KCNC3: variants seen among roughly 807,000 people sequenced by gnomAD.
KCNC3 encodes voltage-gated potassium channel KCNC3.
KCNC3 carries 22 observed loss-of-function variants against 43.9 expected under a neutral mutation model. The observed-to-expected ratio is 0.50, with a 90% CI of 0.36 to 0.72. KCNC3 has a LOEUF of 0.72. KCNC3 is among the 30% of genes least tolerant of loss of function. The pLI is 0.00. For synonymous variants in KCNC3, 492 were observed against 488.0 expected, an observed-to-expected ratio of 1.01 and a Z score of -0.11; for missense variants, 829 against 1,073.8, an observed-to-expected ratio of 0.77 and a Z score of 3.19.
Position 50,312,688 on chromosome 19 carries a change from G to C in KCNC3, c.*3427C>G, listed in dbSNP as rs1169916936. On this transcript the variant is annotated 3_prime_UTR_variant, in exon 5 of 5. Transcript: ENST00000477616. ...GGTACGTGTGGCGGACTGGCGAGCA[G>C]GGGGAGACGTTGGGAAGAGGTCAGT... 1.3e-5 allele frequency: 2 copies of C among 152,256 alleles called. No individual in the cohort carries two copies. The highest frequency in any genetic ancestry group is 3.9e-4 in the East Asian group (2 of 5,184). The allele number at this position is 152,256 out of a possible 1,614,324, so 9.4% of individuals were successfully genotyped here. A position where few individuals can be genotyped will look rare whatever the true frequency, so the allele number is the denominator to read the frequency against.
In KCNC3 at chr19:50,324,121, C is replaced by T. The variant is rs1199042724; in HGVS notation, c.871-39G>A. ...AGGGAGAGAGAGGGGGAGAGGTGAC[C>T]TAGGCATCAGGTTGGCCATAACATC... On this transcript the variant is annotated intron_variant, in intron 1 of 4. Coordinates refer to ENST00000477616, the MANE Select transcript of KCNC3 (RefSeq NM_004977.3). The surrounding 1 kb of genome is among the most constrained non-coding windows in gnomAD (Gnocchi z 4.1). 3 of 1,547,634 alleles carry T rather than the reference C, an allele frequency of 1.9e-6. No homozygotes were observed. In the African/African-American group the frequency reaches 4.1e-5, roughly 21 times the overall value.
At chr19:50,317,260 T>C (rs1332073626) in intron 4 of KCNC3, among the ~76,000 whole-genome samples, 4 of 151,436 alleles carry the variant, frequency 2.6e-5, no homozygotes, top group Non-Finnish European at 4.4e-5. Context: ...AGCCAGACAG[T>C]CCCCCCTCTG....
upstream of KCNC3, among the ~76,000 whole-genome samples, chr19:50,332,964 T>C (rs956932055): frequency 3.3e-5 from 5 of 152,080 alleles, no homozygotes; most frequent in Admixed American, 2.0e-4. The surrounding 1 kb of genome is among the most constrained non-coding windows in gnomAD (Gnocchi z 5.8). Context: ...ATTCGGAGCC[T>C]TGGTCTCTGG....
chr19:50,322,960 G>A lies in KCNC3; in HGVS notation c.1978+15C>T. The A allele has an allele frequency of 6.5e-7, 1 of 1,550,230 alleles. No homozygotes were observed. The highest frequency in any genetic ancestry group is 8.7e-7 in the Non-Finnish European group (1 of 1,147,270). ...GTCTCCACCTGTGCCCCCGATCCCT[G>A]ACGCCCAGGCTCACCTGCCCGGTTG... On this transcript the variant is annotated intron_variant, in intron 2 of 4. Transcript: ENST00000477616.
At position 50,320,609 on chromosome 19, in the gene KCNC3, A is replaced by T. The variant is rs200235409; in HGVS notation, c.2154T>A (p.Asp718Glu). ...FLLTDYAPSP[D>E]GSIRKATGAP... Reference sequence around the variant, plus strand: ...GCACCTCACCTTTTCGGATGGAGCCATCAGGGGAAGGGGCATAGTCGGTGA... The same window carrying T: ...GCACCTCACCTTTTCGGATGGAGCCTTCAGGGGAAGGGGCATAGTCGGTGA... The change falls in exon 3 of 5, where the codon GAT becomes GAA. Residue 718 changes from aspartate (D) to glutamate (E), a missense_variant. By Grantham distance (45) the Asp-to-Glu change is conservative. This residue lies in a region of KCNC3 where 308 missense variants were observed against 276.2 expected (regional missense o/e 1.11). Transcript: ENST00000477616. The T allele has an allele frequency of 5.6e-6, 9 of 1,612,374 alleles. No homozygotes were observed. The East Asian group carries it at 2.0e-4, about 36-fold the overall frequency.
In KCNC3 at chr19:50,320,256, A is replaced by G; in HGVS notation, c.2264T>C (p.Ile755Thr). Reference protein sequence around the residue: ...PDLNANAAAWISP With the variant: ...PDLNANAAAWTSP ...GAGGGGGTTCGTCCACTAGGGGGAT[A>G]TCCAGGCCGCGGCGTTGGCGTTGAG... is the stretch of plus-strand genomic sequence containing the variant. The change falls in exon 4 of 5, where the codon ATA (isoleucine) becomes ACA (threonine). Residue 755 changes from isoleucine (I) to threonine (T), a missense_variant. Physicochemically the swap from Ile to Thr is moderately conservative, Grantham distance 89. Coordinates refer to ENST00000477616, the MANE Select transcript of KCNC3 (RefSeq NM_004977.3). 3.5e-6 allele frequency: 3 copies of G among 852,222 alleles called. No homozygotes were observed. Among genetic ancestry groups the G allele is most frequent in the Non-Finnish European group, 4.7e-6 (3 of 644,264 alleles). The allele number at this position is 852,222 out of a possible 1,614,324, so 52.8% of individuals were successfully genotyped here. A position where few individuals can be genotyped will look rare whatever the true frequency, so the allele number is the denominator to read the frequency against.
chr19:50,317,216 CA>C (rs1479055153), intron 4 of KCNC3, among the ~76,000 whole-genome samples: 5 of 140,808 alleles, frequency 3.6e-5, no homozygotes, highest in African/African-American at 1.3e-4. Flanking sequence ...GGGGAGGTTA[CA>C]AAAAGGAGAG....
intron 2 of KCNC3, 32 bp downstream of exon 2, chr19:50,322,943 C>T (rs371933695): frequency 2.6e-6 from 4 of 1,548,832 alleles, no homozygotes; most frequent in Admixed American, 3.9e-5. Context: ...GGGTCTCCAC[C>T]TGTGCCCCCG....
At position 50,320,796 on chromosome 19, in the gene KCNC3, G is replaced by C. The variant is rs1448820974; in HGVS notation, c.1979-12C>G. The C allele has an allele frequency of 6.8e-6, 11 of 1,613,028 alleles. No individual in the cohort carries two copies. Among genetic ancestry groups the C allele is most frequent in the Non-Finnish European group, 9.3e-6 (11 of 1,179,748 alleles). ...ATTGGGGCGAGGATCTGCATCCCAA[G>C]GGGGTCAGACAGAGAGACAAAGGAG... On this transcript the variant is annotated splice_polypyrimidine_tract_variant and intron_variant, in intron 2 of 4. Coordinates refer to ENST00000477616, the MANE Select transcript of KCNC3 (RefSeq NM_004977.3).
chr19:50,331,507 C>G (rs1486157484), upstream of KCNC3, among the ~76,000 whole-genome samples: 1 of 134,428 alleles, frequency 7.4e-6, no homozygotes, highest in African/African-American at 2.9e-5. Context: ...TCTTCCCCTT[C>G]TCCCCATCTC....
chr19:50,332,929 T>C (rs1419052724), upstream of KCNC3, among the ~76,000 whole-genome samples: 6 of 152,066 alleles, frequency 3.9e-5, no homozygotes, highest in Admixed American at 3.3e-4. The surrounding 1 kb of genome is among the most constrained non-coding windows in gnomAD (Gnocchi z 5.8). Context: ...TCCTTGTTCC[T>C]CTGCCCCCAT....
rs893971869 is a variant in KCNC3, at chr19:50,314,259, G to A, written c.*1856C>T. The A allele has an allele frequency of 6.6e-6, 1 of 151,220 alleles. No homozygotes were observed. Among genetic ancestry groups the A allele is most frequent in the South Asian group, 2.1e-4 (1 of 4,732 alleles). The allele number at this position is 151,220 out of a possible 1,614,324, so 9.4% of individuals were successfully genotyped here. On this transcript the variant is annotated 3_prime_UTR_variant, in exon 5 of 5. Transcript: ENST00000477616. ...CCACCTGAGCTCAACTCCGATCTGGGGCTTGGGTAACTGTTCCTCCTTCCC... is the reference window on the plus strand; with the variant it reads ...CCACCTGAGCTCAACTCCGATCTGGAGCTTGGGTAACTGTTCCTCCTTCCC...
chr19:50,316,446 TAGGG>T (rs2036955672), intron 4 of KCNC3, among the ~76,000 whole-genome samples: 1 of 151,220 alleles, frequency 6.6e-6, no homozygotes, highest in East Asian at 2.0e-4. Flanking sequence ...AGGGGACAAT[TAGGG>T]AGGGAAGAAG....
chr19:50,325,899 T>C (rs1045831523), intron 1 of KCNC3, among the ~76,000 whole-genome samples: 10 of 151,490 alleles, frequency 6.6e-5, no homozygotes, highest in African/African-American at 2.4e-4. Context: ...TCTAATTAAC[T>C]CCTTCCCTCC....
At position 50,328,686 on chromosome 19, in the gene KCNC3, C is replaced by T. The variant is rs139362943; in HGVS notation, c.397G>A (p.Asp133Asn). The part of the protein sequence containing the change: ...AARFDYDPGA[D>N]EFFFDRHPGV... ...GGGTGCCGGTCAAAGAAGAACTCGT[C>T]GGCGCCCGGGTCGTAGTCGAAGCGT... The change falls in exon 1 of 5, where the codon GAC (aspartate) becomes AAC (asparagine). Residue 133 changes from aspartate to asparagine, a missense_variant. Asp to Asn is a conservative substitution (Grantham distance 23). Transcript: ENST00000477616. 3.1e-6 allele frequency: 5 copies of T among 1,606,662 alleles called. No homozygotes were observed. In the African/African-American group the frequency reaches 6.7e-5, roughly 21 times the overall value.
Position 50,315,661 on chromosome 19 carries a change from G to GGA in KCNC3, c.*452_*453dup, listed in dbSNP as rs1568568873. On this transcript the variant is annotated 3_prime_UTR_variant, in exon 5 of 5. Coordinates refer to ENST00000477616, the MANE Select transcript of KCNC3 (RefSeq NM_004977.3). The stretch of plus-strand genomic sequence containing the variant: ...AGGAGCAGTGGGGGGGGGTGGGGGG[G>GGA]GAGGGAGGCTCCTCCAGAAGATTCT... The GGA allele has an allele frequency of 1.8e-5, 2 of 110,174 alleles. No homozygotes were observed. Among genetic ancestry groups the GGA allele is most frequent in the Non-Finnish European group, 3.8e-5 (2 of 52,110 alleles). The allele number at this position is 110,174 out of a possible 1,614,324, so 6.8% of individuals were successfully genotyped here.
rs1324488697 is a variant in KCNC3, at chr19:50,312,446, G to C, written c.*3669C>G. 4 of 152,206 alleles carry C rather than the reference G, an allele frequency of 2.6e-5. No individual in the cohort carries two copies. Among genetic ancestry groups the C allele is most frequent in the African/African-American group, 9.7e-5 (4 of 41,440 alleles). The allele number at this position is 152,206 out of a possible 1,614,324, so 9.4% of individuals were successfully genotyped here. A position where few individuals can be genotyped will look rare whatever the true frequency, so the allele number is the denominator to read the frequency against. On this transcript the variant is annotated 3_prime_UTR_variant, in exon 5 of 5. Coordinates refer to ENST00000477616, the MANE Select transcript of KCNC3 (RefSeq NM_004977.3). ...CAGGAGGGGTGCGACATGCGTGTGG[G>C]GGGCGCGTCATGCAGCGCATGCGTG...
intron 4 of KCNC3, among the ~76,000 whole-genome samples, chr19:50,318,671 C>T (rs938032714): frequency 6.6e-6 from 1 of 152,158 alleles, no homozygotes; most frequent in African/African-American, 2.4e-5. Flanking sequence ...AGATCAGGCC[C>T]TCAGGCTGGA....
rs201662217 is a variant in KCNC3, at chr19:50,323,903, G to A, written c.1050C>T (p.Tyr350=). The A allele has an allele frequency of 7.1e-5, 114 of 1,614,090 alleles. No individual in the cohort carries two copies. The highest frequency in any genetic ancestry group is 1.3e-4 in the Admixed American group (8 of 59,996). The change falls in exon 2 of 5, where the codon TAC becomes TAT. Residue 350 remains tyrosine, a synonymous_variant. Transcript: ENST00000477616. ...ACCAGACCACGCACACCCCCTCCAC[G>A]TAGGTCAGGAAGGGCTCCGTCTCCA... is the stretch of plus-strand genomic sequence containing the variant. ...VEVETEPFLT[Y]VEGVCVVWFT...
Sources: gnomAD v4.1 joint callset for allele counts (sites outside exome capture counted in the v4.1 genomes callset) on GRCh38, gnomAD v4.1.1 for gene constraint, gnomAD v4.1.1 regional missense constraint, Gnocchi (gnomAD v3.1) non-coding constraint, MANE v1.5 for transcripts, NCBI Gene and HGNC (gene_info 2026-07-23, HGNC 2026-07-21) for gene names.